SMARCC1: variants seen among roughly 807,000 people sequenced by gnomAD.
SMARCC1 encodes SWI/SNF complex subunit SMARCC1.
A neutral mutation model predicts 147.4 loss-of-function variants in SMARCC1; 43 were observed. The ratio of observed to expected loss-of-function variants is 0.29; its 90% CI spans 0.23 to 0.38. The LOEUF (loss-of-function observed/expected upper bound fraction) is 0.38, where lower values mean the gene tolerates loss of function less well. Among genes scored for constraint, SMARCC1 ranks in the 10% least tolerant of loss-of-function variants. SMARCC1 has a pLI of 1.00. For missense variants in SMARCC1, 1,119 were observed against 1,381.1 expected (o/e 0.81, Z 3.01); for synonymous variants, 495 against 484.4 (o/e 1.02, Z -0.29).
chr3:47,708,074 ATTTTTTTTCTTTTTTTTTT>A (rs2034032071), intron 9 of SMARCC1, among the ~76,000 whole-genome samples: 2 of 41,624 alleles, frequency 4.8e-5, no homozygotes, highest in African/African-American at 1.4e-4. Flanking sequence ...CTGAAGTTGA[ATTTTTTTTCTTTTTTTTTT>A]TTTTTTTTTT....
chr3:47,664,020 C>A, intron 19 of SMARCC1: 1 of 745,086 alleles, frequency 1.3e-6, no homozygotes, highest in Non-Finnish European at 2.1e-6. Context: ...CTTACTCCCT[C>A]CTCTCCTTTG....
chr3:47,722,973 C>T (rs2034250715), intron 6 of SMARCC1, among the ~76,000 whole-genome samples: 1 of 152,104 alleles, frequency 6.6e-6, no homozygotes, highest in South Asian at 2.1e-4. Context: ...TGAATAATTG[C>T]AAGAAACACT....
At position 47,749,425 on chromosome 3, in the gene SMARCC1, C is replaced by T. The variant is rs557289274; in HGVS notation, c.316-3432G>A. Among the ~76,000 whole-genome samples the T allele has an allele frequency of 8.6e-5, 13 of 152,020 alleles. No homozygotes were observed. In the South Asian group the frequency reaches 1.2e-3, roughly 15 times the overall value. ...CCTATAAAACCAGCACTTTGGGAGGCCAACGAGGCAGGATCATATGAGACC... is the reference window on the plus strand; with the variant it reads ...CCTATAAAACCAGCACTTTGGGAGGTCAACGAGGCAGGATCATATGAGACC... On this transcript the variant is annotated intron_variant, in intron 2 of 27. Transcript: ENST00000254480.
At chr3:47,590,984 G>T in intron 26 of SMARCC1, 147 bp from the exon 27 acceptor site, 1 of 737,280 alleles carries the variant, frequency 1.4e-6, no homozygotes, top group Non-Finnish European at 2.1e-6. Flanking sequence ...TAATCTCTAT[G>T]TTTAGCTTTT....
intron 21 of SMARCC1, among the ~76,000 whole-genome samples, chr3:47,648,777 C>T (rs1464006200): frequency 6.6e-6 from 1 of 152,090 alleles, no homozygotes; most frequent in East Asian, 1.9e-4. Flanking sequence ...TGCCAACCCA[C>T]CAAATGCTAA....
intron 21 of SMARCC1, among the ~76,000 whole-genome samples, chr3:47,646,211 C>T (rs2033119664): frequency 6.6e-6 from 1 of 152,182 alleles, no homozygotes; most frequent in Non-Finnish European, 1.5e-5. Flanking sequence ...CTATGTGGAA[C>T]AGTATGTAAA....
intron 22 of SMARCC1, among the ~76,000 whole-genome samples, chr3:47,637,081 A>C (rs561842701): frequency 2.0e-5 from 3 of 152,084 alleles, no homozygotes; most frequent in Non-Finnish European, 4.4e-5. Flanking sequence ...GGGTCCCCCT[A>C]TGTTGCCTAG....
chr3:47,658,916 G>A (rs937022899), intron 21 of SMARCC1, among the ~76,000 whole-genome samples: 2 of 151,932 alleles, frequency 1.3e-5, no homozygotes, highest in African/African-American at 2.4e-5. Context: ...TCAGGAGTTC[G>A]AGACCAACCT....
At chr3:47,745,306 AATGTATGAGTTCATTATACAC>A (rs1485132320) in intron 3 of SMARCC1, among the ~76,000 whole-genome samples, 8 of 152,172 alleles carry the variant, frequency 5.3e-5, no homozygotes, top group Non-Finnish European at 1.0e-4. Context: ...CTTCAAATAT[AATGTATGAGTTCATTATACAC>A]ACACATTTCA....
rs34045811 is a variant in SMARCC1, at chr3:47,677,401, GTTTTTTT to G, written c.1572-626_1572-620del. 5.0e-4 allele frequency among the ~76,000 whole-genome samples: 70 copies of G among 141,088 alleles called. 1 individual carries two copies. Among genetic ancestry groups the G allele is most frequent in the Non-Finnish European group, 1.1e-4 (7 of 65,098 alleles). The allele number at this position is 141,088 out of a possible 152,430, so 92.6% of individuals were successfully genotyped here. On this transcript the variant is annotated intron_variant, in intron 16 of 27. Transcript: ENST00000254480. The stretch of plus-strand genomic sequence containing the variant: ...CAGGTGTGAGCCACCATGCCTGGCC[GTTTTTTT>G]TTTTTTTTTAATTTCGGCAGAGCTA...
intron 20 of SMARCC1, 21 bp from the exon 21 acceptor site, chr3:47,661,476 G>T (rs1397713009): frequency 1.9e-6 from 3 of 1,587,958 alleles, no homozygotes; most frequent in African/African-American, 2.7e-5. Flanking sequence ...AATAAAAATG[G>T]AACAGCAATC....
chr3:47,592,802 T>C (rs2032206034), intron 26 of SMARCC1, among the ~76,000 whole-genome samples: 1 of 147,714 alleles, frequency 6.8e-6, no homozygotes, highest in Non-Finnish European at 1.5e-5. Flanking sequence ...TCTCACTACG[T>C]TTCCCAGGCT....
At chr3:47,640,845 TA>T (rs970646111) in intron 21 of SMARCC1, among the ~76,000 whole-genome samples, 49 of 150,474 alleles carry the variant, frequency 3.3e-4, no homozygotes, top group Admixed American at 9.3e-4. Flanking sequence ...CAAATTATAC[TA>T]AAAAAAAAGA....
chr3:47,780,168 G>GTTTTTTTTTTTTTTTTTT (rs10662354), intron 1 of SMARCC1, among the ~76,000 whole-genome samples: 4 of 61,894 alleles, frequency 6.5e-5, no homozygotes, highest in Non-Finnish European at 8.5e-5. Context: ...GTTTTTTTTT[G>GTTTTTTTTTTTTTTTTTT]TTTTTTTTTT....
Position 47,778,076 on chromosome 3 carries a change from G to A in SMARCC1, c.195+3527C>T, listed in dbSNP as rs988340798. Among the ~76,000 whole-genome samples, 12 of 150,606 alleles carry A rather than the reference G, an allele frequency of 8.0e-5. No homozygotes were observed. In the South Asian group the frequency reaches 2.1e-3, roughly 26 times the overall value. ...ACAAAAATTAGCAGAGCGTGGTGGC[G>A]GGTGCCTGTAATCCCAGCTACTCAA... On this transcript the variant is annotated intron_variant, in intron 1 of 27. Coordinates refer to ENST00000254480, the MANE Select transcript of SMARCC1 (RefSeq NM_003074.4).
chr3:47,671,173 C>CAAAAAAAAAAAAAAAA lies in SMARCC1; in HGVS notation c.1840-472_1840-457dup, dbSNP rs775759680. Among the ~76,000 whole-genome samples, 36 of 29,232 alleles carry CAAAAAAAAAAAAAAAA rather than the reference C, an allele frequency of 1.2e-3. 1 individual carries two copies. Among genetic ancestry groups the CAAAAAAAAAAAAAAAA allele is most frequent in the African/African-American group, 3.0e-3 (18 of 6,084 alleles). The allele number at this position is 29,232 out of a possible 152,430, so 19.2% of individuals were successfully genotyped here. The stretch of plus-strand genomic sequence containing the variant: ...CCTGGGCAACAGAGCGAGACTATCT[C>CAAAAAAAAAAAAAAAA]AAAAAAAAAAAAAAAAAAAAAAAAA... On this transcript the variant is annotated intron_variant, in intron 18 of 27. Transcript: ENST00000254480.
intron 12 of SMARCC1, among the ~76,000 whole-genome samples, chr3:47,690,997 C>G (rs1479941194): frequency 1.3e-5 from 2 of 152,156 alleles, no homozygotes; most frequent in Non-Finnish European, 2.9e-5. Context: ...CAACCTCTTA[C>G]TAGAAACTGT....
chr3:47,684,826 A>T (rs1209354140), intron 14 of SMARCC1, among the ~76,000 whole-genome samples: 1 of 152,158 alleles, frequency 6.6e-6, no homozygotes, highest in African/African-American at 2.4e-5. Context: ...GAAACTGTGG[A>T]CAGGGCCATT....
intron 19 of SMARCC1, among the ~76,000 whole-genome samples, chr3:47,668,341 A>T (rs2033450346): frequency 6.6e-6 from 1 of 152,186 alleles, no homozygotes; most frequent in South Asian, 2.1e-4. Flanking sequence ...CATCATCTTG[A>T]TCTTACAGAG....
Sources: gnomAD v4.1 joint callset for allele counts (sites outside exome capture counted in the v4.1 genomes callset) on GRCh38, gnomAD v4.1.1 for gene constraint, MANE v1.5 for transcripts, NCBI Gene and HGNC (gene_info 2026-07-23, HGNC 2026-07-21) for gene names.